Variants in PRPS2 observed in about 807,000 individuals in gnomAD.
The protein encoded by PRPS2 is phosphoribosyl pyrophosphate synthetase 2, also known as ribose-phosphate pyrophosphokinase 2.
For synonymous variants in PRPS2, 111 were observed against 115.3 expected (o/e 0.96, Z 0.24); for missense variants, 104 against 271.5 (o/e 0.38, Z 4.34).
intron 2 of PRPS2, among the ~76,000 whole-genome samples, chrX:12,805,578 T>A (rs2042589292): frequency 8.9e-6 from 1 of 112,253 alleles, no homozygotes; most frequent in Admixed American, 9.5e-5. Context: ...CACTGAAATA[T>A]GAACCTCATA....
chrX:12,818,866 A>AT (rs200266981), intron 4 of PRPS2, among the ~76,000 whole-genome samples: 24 of 106,066 alleles, frequency 2.3e-4, no homozygotes, highest in East Asian at 3.0e-4. Flanking sequence ...TGAGCTAGTG[A>AT]TTTTTTTTTT....
In PRPS2 at chrX:12,819,566, A is replaced by G; in HGVS notation, c.590A>G (p.Lys197Arg). ...TTTGCTTTGATCCACAAAGAGAGGA[A>G]GAAGGCGAATGAAGTGGACCGGATG... ...VEFALIHKER[K>R]KANEVDRMVL... Residue 197 changes from lysine (K) to arginine (R), a missense_variant, in exon 5 of 7, where the codon AAG becomes AGG. Lys to Arg is a conservative substitution (Grantham distance 26, BLOSUM62 2). Transcript: ENST00000380668. 1 of 1,211,913 alleles carries G rather than the reference A, an allele frequency of 8.3e-7. No homozygotes were observed. The highest frequency in any genetic ancestry group is 1.1e-6 in the Non-Finnish European group (1 of 895,392).
At chrX:12,807,864 C>T (rs1015728656) in intron 2 of PRPS2, among the ~76,000 whole-genome samples, 1 of 84,730 alleles carries the variant, frequency 1.2e-5, no homozygotes, top group East Asian at 4.5e-4. Context: ...TACATGCATA[C>T]CTTTTTTTTT....
In PRPS2 at chrX:12,820,711, A is replaced by G. The variant is rs149997831; in HGVS notation, c.772A>G (p.Ile258Val). ...CCATGGGATCTTCTCTGGACCAGCTATTTCCAGAATAAATAATGCCGCCTT... is the reference window on the plus strand; with the variant it reads ...CCATGGGATCTTCTCTGGACCAGCTGTTTCCAGAATAAATAATGCCGCCTT... ...LTHGIFSGPA[I>V]SRINNAAFEA... The change falls in exon 6 of 7, where the codon ATT becomes GTT. Residue 258 changes from isoleucine (I) to valine (V), a missense_variant. Coordinates refer to ENST00000380668, the MANE Select transcript of PRPS2 (RefSeq NM_002765.5). The G allele has an allele frequency of 6.2e-5, 75 of 1,209,370 alleles. No individual in the cohort carries two copies. Among genetic ancestry groups the G allele is most frequent in the Non-Finnish European group, 8.3e-5 (74 of 894,963 alleles).
At position 12,791,481 on chromosome X, in the gene PRPS2, G is replaced by A. The variant is rs867778794; in HGVS notation, c.-17G>A. 1 of 1,199,630 alleles carries A rather than the reference G, an allele frequency of 8.3e-7. No individual in the cohort carries two copies. Among genetic ancestry groups the A allele is most frequent in the Non-Finnish European group, 1.1e-6 (1 of 889,618 alleles). The stretch of plus-strand genomic sequence containing the variant: ...CTCCTCCGCCGCCGCGCGCCCCTCG[G>A]AGTTCCGCGCCCCACCATGCCCAAC... On this transcript the variant is annotated 5_prime_UTR_variant, in exon 1 of 7. Transcript: ENST00000380668.
intron 4 of PRPS2, among the ~76,000 whole-genome samples, chrX:12,816,289 C>T (rs746635475): frequency 1.8e-5 from 2 of 111,184 alleles, no homozygotes; most frequent in African/African-American, 6.5e-5. Flanking sequence ...GATTTATGAC[C>T]ACCACCTTAC....
chrX:12,796,852 ATTTTTTTTTTTT>A (rs35240522), intron 1 of PRPS2, among the ~76,000 whole-genome samples: 1 of 34,241 alleles, frequency 2.9e-5, no homozygotes, highest in Admixed American at 4.6e-4. Context: ...AGTATTTCAG[ATTTTTTTTTTTT>A]TTTTTTTTTT....
intron 4 of PRPS2, among the ~76,000 whole-genome samples, chrX:12,817,169 C>T (rs746477998): frequency 3.6e-5 from 4 of 110,141 alleles, no homozygotes; most frequent in South Asian, 7.9e-4. Flanking sequence ...GTGTTTCCTA[C>T]GGAAATAAAA....
chrX:12,811,744 AAGCTTAGAAGT>A (rs2042625101), intron 4 of PRPS2, among the ~76,000 whole-genome samples: 1 of 111,869 alleles, frequency 8.9e-6, no homozygotes, highest in African/African-American at 3.2e-5. Context: ...TCTAACACAA[AAGCTTAGAAGT>A]AGCCCAGAAA....
In PRPS2 at chrX:12,824,038, C is replaced by T. The variant is rs973812216; in HGVS notation, c.*1242C>T. 4 of 111,993 alleles carry T rather than the reference C, an allele frequency of 3.6e-5. No individual in the cohort carries two copies. The highest frequency in any genetic ancestry group is 1.3e-4 in the African/African-American group (4 of 30,493). 9.2% of individuals were successfully genotyped at this position (111,993 alleles called of 1,213,427 possible). A position where few individuals can be genotyped will look rare whatever the true frequency, so the allele number is the denominator to read the frequency against. ...AATATACCAAAGTTGTTTGTTTAGC[C>T]TCCAACTTAAATTACATTAGTCAAC... On this transcript the variant is annotated 3_prime_UTR_variant, in exon 7 of 7. Transcript: ENST00000380668.
Position 12,809,338 on chromosome X carries a change from C to T in PRPS2, c.405+6C>T, listed in dbSNP as rs751188754. 1.2e-5 allele frequency: 14 copies of T among 1,198,201 alleles called. No individual in the cohort carries two copies. The highest frequency in any genetic ancestry group is 5.4e-5 in the South Asian group (3 of 55,194). On this transcript the variant is annotated splice_donor_region_variant and intron_variant, in intron 3 of 6. Coordinates refer to ENST00000380668, the MANE Select transcript of PRPS2 (RefSeq NM_002765.5). Reference sequence around the variant, plus strand: ...TGCATGCTTCTCAGATACAGGTATCCGTGTTTTCCTTCTGCAAATGGTTAA... The same window carrying T: ...TGCATGCTTCTCAGATACAGGTATCTGTGTTTTCCTTCTGCAAATGGTTAA...
chrX:12,794,935 G>A (rs1051370618), intron 1 of PRPS2, among the ~76,000 whole-genome samples: 1 of 112,076 alleles, frequency 8.9e-6, no homozygotes, highest in Non-Finnish European at 1.9e-5. Flanking sequence ...AGTCTCTGTT[G>A]CTGCGGTATC....
At chrX:12,799,100 G>A (rs1231799439) in intron 1 of PRPS2, 107 bp from the exon 2 acceptor site, 1 of 732,132 alleles carries the variant, frequency 1.4e-6, no homozygotes, top group African/African-American at 2.1e-5. Flanking sequence ...CTATTAGGCT[G>A]AGTCCTATAA....
intron 2 of PRPS2, among the ~76,000 whole-genome samples, chrX:12,800,532 A>G (rs761627808): frequency 9.0e-6 from 1 of 111,589 alleles, no homozygotes; most frequent in Non-Finnish European, 1.9e-5. Context: ...GTCAACTCCC[A>G]GCTGTTGTGT....
chrX:12,801,559 T>C (rs2042570704), intron 2 of PRPS2, among the ~76,000 whole-genome samples: 1 of 112,471 alleles, frequency 8.9e-6, no homozygotes, highest in Non-Finnish European at 1.9e-5. Context: ...TATTTCTTCC[T>C]TCCTTGTGGT....
intron 2 of PRPS2, among the ~76,000 whole-genome samples, chrX:12,807,768 A>G (rs2042600951): frequency 9.0e-6 from 1 of 110,587 alleles, no homozygotes; most frequent in Non-Finnish European, 1.9e-5. Context: ...CAAGAAAAAT[A>G]TATTTTCCTA....
intron 1 of PRPS2, among the ~76,000 whole-genome samples, chrX:12,797,074 C>T (rs2042548338): frequency 9.1e-6 from 1 of 110,104 alleles, no homozygotes; most frequent in South Asian, 3.9e-4. Context: ...TCAAAAAATA[C>T]TGGCTGGGTG....
chrX:12,821,683 T>C (rs770387850), intron 6 of PRPS2, among the ~76,000 whole-genome samples: 1 of 111,091 alleles, frequency 9.0e-6, no homozygotes, highest in Admixed American at 9.5e-5. Flanking sequence ...GATAGATAAA[T>C]AGATAGATAC....
chrX:12,809,300 A>G lies in PRPS2; in HGVS notation c.373A>G (p.Ile125Val), dbSNP rs762515387. 91 of 1,208,205 alleles carry G rather than the reference A, an allele frequency of 7.5e-5. No homozygotes were observed. Among genetic ancestry groups the G allele is most frequent in the Non-Finnish European group, 9.9e-5 (89 of 894,762 alleles). Residue 125 changes from isoleucine to valine, a missense_variant, in exon 3 of 7, where the codon ATC becomes GTC. Physicochemically the swap from Ile to Val is conservative, Grantham distance 29. Coordinates refer to ENST00000380668, the MANE Select transcript of PRPS2 (RefSeq NM_002765.5). ...GTCGGTGGCTGGGGCGGATCACATC[A>G]TCACCATGGACCTGCATGCTTCTCA... The part of the protein sequence containing the change: ...MLSVAGADHI[I>V]TMDLHASQIQ...
Sources: gnomAD v4.1 joint callset for allele counts (sites outside exome capture counted in the v4.1 genomes callset) on GRCh38, gnomAD v4.1.1 for gene constraint, MANE v1.5 for transcripts, NCBI Gene and HGNC (gene_info 2026-07-23, HGNC 2026-07-21) for gene names.